TBXAS1: variants seen among roughly 807,000 people sequenced by gnomAD.
TBXAS1 encodes thromboxane A synthase 1, also known as thromboxane-A synthase.
Under a neutral mutation model 60.7 loss-of-function variants are expected in TBXAS1, and 48 were observed. The observed-to-expected ratio is 0.79, with a 90% CI of 0.63 to 1.01. The LOEUF (loss-of-function observed/expected upper bound fraction) is 1.01. Among genes scored for constraint, TBXAS1 ranks in the 50% least tolerant of loss-of-function variants. The pLI is 0.00. For missense variants in TBXAS1, 685 were observed against 686.3 expected (o/e 1.00, Z 0.02); for synonymous variants, 287 against 269.7 (o/e 1.06, Z -0.63).
chr7:139,961,564 T>C (rs1810341812), intron 8 of TBXAS1, among the ~76,000 whole-genome samples: 1 of 152,240 alleles, frequency 6.6e-6, no homozygotes, highest in Non-Finnish European at 1.5e-5. Context: ...ATTTGCTGTT[T>C]TTGCAGAAAC....
At chr7:139,844,329 T>C (rs554094528) in intron 1 of TBXAS1, among the ~76,000 whole-genome samples, 1 of 152,328 alleles carries the variant, frequency 6.6e-6, no homozygotes, top group African/African-American at 2.4e-5. Context: ...AACTCTTCCC[T>C]ACCATCCACT....
chr7:139,816,289 C>T (rs575677883), intron 4 of TBXAS1, among the ~76,000 whole-genome samples: 7 of 152,246 alleles, frequency 4.6e-5, no homozygotes, highest in African/African-American at 1.7e-4. Flanking sequence ...GTGTGAAAAT[C>T]GGCTAATACA....
intron 1 of TBXAS1, among the ~76,000 whole-genome samples, chr7:139,839,984 CAAAAAAAA>C (rs563726492): frequency 4.6e-4 from 50 of 109,288 alleles, no homozygotes; most frequent in Non-Finnish European, 8.6e-4. Flanking sequence ...AACTCTGTCT[CAAAAAAAA>C]AAAAAAAAAA....
chr7:139,829,748 A>G (rs527732471), intron 1 of TBXAS1, among the ~76,000 whole-genome samples: 3 of 152,320 alleles, frequency 2.0e-5, no homozygotes, highest in Non-Finnish European at 4.4e-5. Context: ...AAAAGAAACA[A>G]ATTGGAAAGG....
At chr7:139,889,780 A>G (rs1347481206) in intron 3 of TBXAS1, among the ~76,000 whole-genome samples, 1 of 152,114 alleles carries the variant, frequency 6.6e-6, no homozygotes. Context: ...TGCCCTCATG[A>G]CCCATTTGTC....
chr7:139,797,128 TA>T, intron 4 of TBXAS1: 1 of 152,332 alleles, frequency 6.6e-6, no homozygotes, highest in Middle Eastern at 3.4e-3. Context: ...GTTTTACACA[TA>T]AATAGAAAGA....
chr7:139,779,999 C>G (rs893528763), intron 1 of TBXAS1, among the ~76,000 whole-genome samples: 1 of 152,200 alleles, frequency 6.6e-6, no homozygotes, highest in African/African-American at 2.4e-5. Context: ...ACCTCCTCCA[C>G]AAAACAGCCC....
chr7:139,840,003 G>T (rs1288288442), intron 1 of TBXAS1, among the ~76,000 whole-genome samples: 1 of 120,364 alleles, frequency 8.3e-6, no homozygotes, highest in Admixed American at 8.0e-5. Flanking sequence ...AAAAAAAAAA[G>T]AGATTTCAGA....
chr7:140,003,979 T>G (rs1813876704), intron 9 of TBXAS1, among the ~76,000 whole-genome samples: 1 of 152,226 alleles, frequency 6.6e-6, no homozygotes, highest in Non-Finnish European at 1.5e-5. Flanking sequence ...TGTCCTTTGC[T>G]TCTGCTTTGT....
intron 5 of TBXAS1, among the ~76,000 whole-genome samples, chr7:139,951,862 A>G (rs1181433729): frequency 1.2e-4 from 16 of 129,090 alleles, no homozygotes; most frequent in Non-Finnish European, 1.9e-4. Context: ...AAGGAAGGAA[A>G]GAAGGAAGGA....
At chr7:139,908,371 C>T (rs1012155794) in intron 3 of TBXAS1, among the ~76,000 whole-genome samples, 4 of 152,016 alleles carry the variant, frequency 2.6e-5, no homozygotes, top group Non-Finnish European at 5.9e-5. Flanking sequence ...TTATATTCAC[C>T]ATTATAGTAG....
At chr7:139,965,694 T>C (rs1393058292) in intron 9 of TBXAS1, among the ~76,000 whole-genome samples, 2 of 152,188 alleles carry the variant, frequency 1.3e-5, no homozygotes, top group African/African-American at 4.8e-5. Context: ...AAGGTGATTT[T>C]CTTCCCCTAT....
intron 9 of TBXAS1, among the ~76,000 whole-genome samples, chr7:139,973,956 A>G (rs1000165125): frequency 1.3e-5 from 2 of 152,196 alleles, no homozygotes; most frequent in African/African-American, 4.8e-5. Context: ...ATATCCTGCA[A>G]AAGAATCCTT....
chr7:139,800,121 T>C lies in TBXAS1; in HGVS notation c.-80+12695T>C, dbSNP rs1486835906. ...TAGTTTAGGGCAATGCCACCCTTTA[T>C]TGAGACTCTGGAAGAACCTCCTGAC... On this transcript the variant is annotated intron_variant, in intron 4 of 16. Coordinates refer to the TBXAS1 transcript ENST00000336425. Among the ~76,000 whole-genome samples, 6 of 152,300 alleles carry C rather than the reference T, an allele frequency of 3.9e-5. No individual in the cohort carries two copies. The East Asian group carries it at 9.6e-4, about 24-fold the overall frequency.
intron 5 of TBXAS1, among the ~76,000 whole-genome samples, chr7:139,941,081 T>C (rs747557237): frequency 2.0e-5 from 3 of 152,234 alleles, no homozygotes; most frequent in Non-Finnish European, 4.4e-5. Context: ...GAGCCACAGA[T>C]ACTCGGCTGT....
chr7:139,852,311 T>C lies in TBXAS1; in HGVS notation c.90-19924T>C, dbSNP rs1174037167. ...CTCTAATAATGGAAGGGATTATAAG[T>C]TGCAGGGAGCAGGCAAGAGGCCAAA... On this transcript the variant is annotated intron_variant, in intron 1 of 12. Coordinates refer to ENST00000448866, the MANE Select transcript of TBXAS1 (RefSeq NM_001061.7). The surrounding 1 kb of genome is among the most constrained non-coding windows in gnomAD (Gnocchi z 4.4). 6.6e-6 allele frequency among the ~76,000 whole-genome samples: 1 copy of C among 152,138 alleles called. No individual in the cohort carries two copies. Among genetic ancestry groups the C allele is most frequent in the Non-Finnish European group, 1.5e-5 (1 of 68,012 alleles).
chr7:139,910,312 C>T (rs1378771809), intron 3 of TBXAS1, among the ~76,000 whole-genome samples: 1 of 152,282 alleles, frequency 6.6e-6, no homozygotes, highest in African/African-American at 2.4e-5. Flanking sequence ...CTGACTGAGC[C>T]TTTCATCCAT....
intron 10 of TBXAS1, 81 bp from the exon 11 acceptor site, chr7:140,015,642 A>C: frequency 6.5e-7 from 1 of 1,529,216 alleles, no homozygotes; most frequent in Non-Finnish European, 9.0e-7. Flanking sequence ...CTTCACACTC[A>C]GACTCTGCCT....
intron 9 of TBXAS1, among the ~76,000 whole-genome samples, chr7:139,976,606 G>A (rs553356135): frequency 4.6e-5 from 7 of 152,156 alleles, no homozygotes; most frequent in Admixed American, 6.5e-5. Flanking sequence ...AAGGCCACAC[G>A]CCAATCAAGG....
Sources: gnomAD v4.1 joint callset for allele counts (sites outside exome capture counted in the v4.1 genomes callset) on GRCh38, gnomAD v4.1.1 for gene constraint, Gnocchi (gnomAD v3.1) non-coding constraint, MANE v1.5 for transcripts, NCBI Gene and HGNC (gene_info 2026-07-23, HGNC 2026-07-21) for gene names.